PCNP: variants seen among roughly 807,000 people sequenced by gnomAD.
PCNP encodes the protein PEST proteolytic signal containing nuclear protein.
A neutral mutation model predicts 21.8 loss-of-function variants in PCNP; 6 were observed. The observed-to-expected ratio is 0.28, with a 90% confidence interval of 0.15 to 0.54. PCNP has a LOEUF of 0.54. PCNP is among the 20% of genes least tolerant of loss of function. The probability of loss-of-function intolerance (pLI) is 0.95; values close to 1 mark genes in which losing one functional copy is unlikely to be tolerated. For missense variants in PCNP, 161 were observed against 215.5 expected (o/e 0.75, Z 1.58); for synonymous variants, 67 against 73.2 (o/e 0.92, Z 0.43).
At chr3:101,582,547 A>T (rs1559959941) in intron 2 of PCNP, among the ~76,000 whole-genome samples, 3 of 152,240 alleles carry the variant, frequency 2.0e-5, no homozygotes, top group Non-Finnish European at 4.4e-5. Flanking sequence ...TTATGTGAAG[A>T]TAGTTAATCA....
At position 101,594,026 on chromosome 3, in the gene PCNP, T is replaced by C. The variant is rs893166595; in HGVS notation, c.*1273T>C. On this transcript the variant is annotated 3_prime_UTR_variant, in exon 5 of 5. Transcript: ENST00000265260. Reference sequence around the variant, plus strand: ...AAAGCATACAGTATAAAAATTTCCTTGAAAACTCCTACAATATTATATTTG... The same window carrying C: ...AAAGCATACAGTATAAAAATTTCCTCGAAAACTCCTACAATATTATATTTG... 6.6e-6 allele frequency: 1 copy of C among 152,572 alleles called. No homozygotes were observed. The highest frequency in any genetic ancestry group is 2.4e-5 in the African/African-American group (1 of 41,456). 9.5% of individuals were successfully genotyped at this position (152,572 alleles called of 1,614,324 possible). A position where few individuals can be genotyped will look rare whatever the true frequency, so the allele number is the denominator to read the frequency against.
chr3:101,586,810 C>G (rs1935552055), intron 3 of PCNP, among the ~76,000 whole-genome samples: 2 of 151,972 alleles, frequency 1.3e-5, no homozygotes, highest in African/African-American at 4.8e-5. Flanking sequence ...CCTTGGCCTC[C>G]CATAATGCTG....
chr3:101,575,536 C>T (rs771414651), intron 1 of PCNP, among the ~76,000 whole-genome samples: 3 of 150,476 alleles, frequency 2.0e-5, no homozygotes, highest in Non-Finnish European at 4.4e-5. Flanking sequence ...AAATTTAAAC[C>T]ATCTACTACT....
intron 4 of PCNP, 54 bp downstream of exon 4, chr3:101,590,324 A>C: frequency 1.1e-6 from 1 of 909,954 alleles, no homozygotes; most frequent in Non-Finnish European, 1.8e-6. Context: ...AATTAACAAA[A>C]ATAACTTGCA....
At chr3:101,585,413 C>T in intron 2 of PCNP, 24 bp from the exon 3 acceptor site, 5 of 1,390,618 alleles carry the variant, frequency 3.6e-6, no homozygotes, top group Non-Finnish European at 5.0e-6. Flanking sequence ...ACATGATATT[C>T]TTTTTAATAT....
chr3:101,587,110 C>T (rs184035510), intron 3 of PCNP, among the ~76,000 whole-genome samples: 7 of 151,984 alleles, frequency 4.6e-5, no homozygotes, highest in Admixed American at 2.0e-4. Context: ...ATTAGCCGGG[C>T]GTAGTGGTGC....
intron 3 of PCNP, among the ~76,000 whole-genome samples, chr3:101,588,854 T>C (rs1935665493): frequency 6.6e-6 from 1 of 152,260 alleles, no homozygotes; most frequent in South Asian, 2.1e-4. Flanking sequence ...GCACATGCTA[T>C]CAATATGCCC....
chr3:101,578,732 C>T (rs534131769), intron 1 of PCNP, among the ~76,000 whole-genome samples: 4 of 152,216 alleles, frequency 2.6e-5, no homozygotes, highest in South Asian at 2.1e-4. Flanking sequence ...AGTCTGTGTT[C>T]GACTTTTTTT....
chr3:101,585,639 A>T, intron 3 of PCNP, 128 bp downstream of exon 3: 1 of 581,672 alleles, frequency 1.7e-6, no homozygotes, highest in South Asian at 2.4e-5. Context: ...TGTGTGTGAC[A>T]TCCATAAAAA....
chr3:101,576,955 G>A, intron 1 of PCNP: 1 of 1,352,622 alleles, frequency 7.4e-7, no homozygotes, highest in South Asian at 1.2e-5. Context: ...CATGGCGGCA[G>A]CACAAGCGGC....
At chr3:101,574,113 G>T, upstream of PCNP, 5 of 1,489,036 alleles carry the variant, frequency 3.4e-6, no homozygotes, top group Non-Finnish European at 4.5e-6. Context: ...CCTCGGGACC[G>T]CTCTAGGCTG....
At chr3:101,578,985 A>G (rs978888818) in intron 1 of PCNP, among the ~76,000 whole-genome samples, 2 of 152,194 alleles carry the variant, frequency 1.3e-5, no homozygotes, top group African/African-American at 2.4e-5. Flanking sequence ...AATGTGAACT[A>G]ATTTCATCAT....
chr3:101,584,332 A>T (rs1022075144), intron 2 of PCNP, among the ~76,000 whole-genome samples: 5 of 151,872 alleles, frequency 3.3e-5, no homozygotes, highest in African/African-American at 9.7e-5. Flanking sequence ...GAGATGGGGG[A>T]CTTGCTGTGT....
rs1330987535 is a variant in PCNP, at chr3:101,591,253, T to C, written c.410+983T>C. 2.0e-5 allele frequency among the ~76,000 whole-genome samples: 3 copies of C among 152,246 alleles called. 1 individual carries two copies. The highest frequency in any genetic ancestry group is 4.1e-4 in the South Asian group (2 of 4,832). On this transcript the variant is annotated intron_variant, in intron 4 of 4. Coordinates refer to ENST00000265260, the MANE Select transcript of PCNP (RefSeq NM_020357.3). ...AACACGATGTGCAGTTTCCTGTCTTTGTGTGCATTAATGGATAGCTTAGAG... is the reference window on the plus strand; with the variant it reads ...AACACGATGTGCAGTTTCCTGTCTTCGTGTGCATTAATGGATAGCTTAGAG...
At chr3:101,584,731 A>ATT (rs1006145276) in intron 2 of PCNP, among the ~76,000 whole-genome samples, 2 of 152,060 alleles carry the variant, frequency 1.3e-5, no homozygotes, top group Non-Finnish European at 2.9e-5. Context: ...CACCTGGCTG[A>ATT]TTTTTTGTGT....
intron 1 of PCNP, among the ~76,000 whole-genome samples, chr3:101,578,950 C>A (rs954689143): frequency 5.3e-5 from 8 of 152,152 alleles, no homozygotes; most frequent in African/African-American, 1.4e-4. Flanking sequence ...TTCTTAGTCT[C>A]ATATAACAGA....
chr3:101,587,111 G>A (rs140989567), intron 3 of PCNP, among the ~76,000 whole-genome samples: 5 of 152,146 alleles, frequency 3.3e-5, no homozygotes, highest in African/African-American at 1.2e-4. Context: ...TTAGCCGGGC[G>A]TAGTGGTGCA....
At chr3:101,576,598 A>T in intron 1 of PCNP, 1 of 1,611,222 alleles carries the variant, frequency 6.2e-7, no homozygotes, top group Non-Finnish European at 8.5e-7. Flanking sequence ...ATGGGCCCGA[A>T]TCTTCTTCAG....
At chr3:101,580,380 A>T (rs1409084436) in intron 2 of PCNP, among the ~76,000 whole-genome samples, 1 of 152,222 alleles carries the variant, frequency 6.6e-6, no homozygotes, top group East Asian at 1.9e-4. Context: ...AGTCTGGGCA[A>T]CATAGCAAGA....
Sources: allele counts gnomAD v4.1 joint callset (sites outside exome capture counted in the v4.1 genomes callset), GRCh38; gene constraint gnomAD v4.1.1; transcripts MANE v1.5; gene names NCBI Gene and HGNC (gene_info 2026-07-23, HGNC 2026-07-21).